The following KHDRBS2 variants were observed in gnomAD, a reference collection of about 807,000 sequenced individuals.
KHDRBS2 encodes KH domain-containing, RNA-binding, signal transduction-associated protein 2.
Under a neutral mutation model 44.3 loss-of-function variants are expected in KHDRBS2, and 26 were observed. That is an observed-to-expected ratio of 0.59 (90% CI 0.43 to 0.81). KHDRBS2 has a LOEUF of 0.81. Ranked by LOEUF, KHDRBS2 falls within the 40% of genes least tolerant of loss-of-function variation. The pLI is 0.00. For missense variants in KHDRBS2, 476 were observed against 433.1 expected, an observed-to-expected ratio of 1.10 and a Z score of -0.88; for synonymous variants, 194 against 151.1, an observed-to-expected ratio of 1.28 and a Z score of -2.08.
intron 6 of KHDRBS2, among the ~76,000 whole-genome samples, chr6:61,748,017 GTC>G (rs1366845947): frequency 2.0e-5 from 3 of 152,138 alleles, no homozygotes; most frequent in Admixed American, 6.5e-5. Flanking sequence ...TTGAGACAGA[GTC>G]TCACACTGTT....
chr6:61,772,711 A>G (rs1781161353), intron 6 of KHDRBS2, among the ~76,000 whole-genome samples: 1 of 152,098 alleles, frequency 6.6e-6, no homozygotes, highest in Non-Finnish European at 1.5e-5. Flanking sequence ...ACATATGTAT[A>G]CATGTGCCAC....
intron 6 of KHDRBS2, among the ~76,000 whole-genome samples, chr6:61,801,199 A>AT (rs951824388): frequency 1.7e-4 from 26 of 151,738 alleles, no homozygotes; most frequent in Non-Finnish European, 2.8e-4. Flanking sequence ...ATTTCCACTG[A>AT]TTTTTTTTTA....
the KHDRBS2 span, among the ~76,000 whole-genome samples, chr6:61,571,180 C>T: frequency 3.3e-5 from 5 of 151,916 alleles, no homozygotes; most frequent in Non-Finnish European, 5.9e-5. Context: ...AGAGACTCGC[C>T]TAATATATAA....
At chr6:62,067,523 T>C (rs1314952846) in intron 2 of KHDRBS2, among the ~76,000 whole-genome samples, 1 of 151,516 alleles carries the variant, frequency 6.6e-6, no homozygotes, top group East Asian at 2.0e-4. Context: ...ATGAACAGTA[T>C]AGAGCCCTCC....
At position 62,221,051 on chromosome 6, in the gene KHDRBS2, T is replaced by C. The variant is rs774652430; in HGVS notation, c.92-43739A>G. Among the ~76,000 whole-genome samples, 59 of 151,446 alleles carry C rather than the reference T, an allele frequency of 3.9e-4. 1 individual carries two copies. The highest frequency in any genetic ancestry group is 6.9e-4 in the Non-Finnish European group (47 of 67,794). On this transcript the variant is annotated intron_variant, in intron 1 of 8. Transcript: ENST00000281156. ...TGCACATTATTCACAATTCCCAAGA[T>C]ATGAAAGCAATACGTGTCCACTGAC...
intron 1 of KHDRBS2, among the ~76,000 whole-genome samples, chr6:62,254,649 C>T (rs1837078713): frequency 6.6e-6 from 1 of 151,940 alleles, no homozygotes; most frequent in South Asian, 2.1e-4. Context: ...AGAAAGGAAA[C>T]CCACACTGCT....
At chr6:62,199,036 A>G (rs1274083416) in intron 1 of KHDRBS2, among the ~76,000 whole-genome samples, 3 of 152,214 alleles carry the variant, frequency 2.0e-5, no homozygotes, top group African/African-American at 7.2e-5. Flanking sequence ...AAAATTCAAC[A>G]GCCCTTCATG....
chr6:62,011,624 T>C (rs755350393), intron 3 of KHDRBS2, among the ~76,000 whole-genome samples: 1 of 152,216 alleles, frequency 6.6e-6, no homozygotes, highest in African/African-American at 2.4e-5. Context: ...ATGACAGTGA[T>C]ACCATTAATA....
chr6:61,621,528 G>A, the KHDRBS2 span, among the ~76,000 whole-genome samples: 134 of 152,186 alleles, frequency 8.8e-4, 1 homozygote, highest in East Asian at 0.023. Flanking sequence ...TAAGAGCTCC[G>A]GAGACATTTA....
chr6:62,023,419 T>C (rs975592541), intron 3 of KHDRBS2, among the ~76,000 whole-genome samples: 1 of 151,654 alleles, frequency 6.6e-6, no homozygotes, highest in Non-Finnish European at 1.5e-5. Flanking sequence ...TAATTCATCA[T>C]ACAGACAATT....
At chr6:62,247,533 C>A (rs1307790877) in intron 1 of KHDRBS2, among the ~76,000 whole-genome samples, 3 of 152,068 alleles carry the variant, frequency 2.0e-5, no homozygotes, top group Middle Eastern at 3.4e-3. Flanking sequence ...AAATATTTCA[C>A]AAATCTCTTA....
chr6:61,765,825 C>A (rs1386548434), intron 6 of KHDRBS2, among the ~76,000 whole-genome samples: 3 of 152,184 alleles, frequency 2.0e-5, no homozygotes, highest in South Asian at 2.1e-4. Flanking sequence ...ATCATCTTTG[C>A]AATCCCACTG....
At chr6:61,784,102 T>C (rs1206174810) in intron 6 of KHDRBS2, among the ~76,000 whole-genome samples, 2 of 151,942 alleles carry the variant, frequency 1.3e-5, no homozygotes, top group Non-Finnish European at 2.9e-5. Flanking sequence ...GCTAGAAATA[T>C]TTTTTAAAAT....
At chr6:61,775,747 C>T (rs1053991016) in intron 6 of KHDRBS2, among the ~76,000 whole-genome samples, 9 of 152,162 alleles carry the variant, frequency 5.9e-5, no homozygotes, top group African/African-American at 1.9e-4. Flanking sequence ...AATGCCATCC[C>T]CATCAAGCTA....
chr6:61,559,784 T>C, the KHDRBS2 span, among the ~76,000 whole-genome samples: 2 of 152,228 alleles, frequency 1.3e-5, no homozygotes, highest in African/African-American at 4.8e-5. Context: ...TGAAAAGTTG[T>C]TGTAGTTATT....
At chr6:61,756,849 G>A (rs550011035) in intron 6 of KHDRBS2, among the ~76,000 whole-genome samples, 1 of 152,268 alleles carries the variant, frequency 6.6e-6, no homozygotes, top group African/African-American at 2.4e-5. Flanking sequence ...TTGCTATTTT[G>A]TAATTCCTCT....
At chr6:61,683,572 T>A (rs1173359360) in intron 8 of KHDRBS2, among the ~76,000 whole-genome samples, 6 of 151,860 alleles carry the variant, frequency 4.0e-5, no homozygotes, top group African/African-American at 1.4e-4. Flanking sequence ...TAAAGAAATT[T>A]AACATTTATT....
chr6:62,222,902 C>T (rs1831136802), intron 1 of KHDRBS2, among the ~76,000 whole-genome samples: 1 of 152,168 alleles, frequency 6.6e-6, no homozygotes, highest in Non-Finnish European at 1.5e-5. Flanking sequence ...GGTACAACCT[C>T]CCTCCTGGCT....
At chr6:62,156,167 C>A (rs1369146660) in intron 2 of KHDRBS2, among the ~76,000 whole-genome samples, 2 of 152,094 alleles carry the variant, frequency 1.3e-5, no homozygotes, top group Non-Finnish European at 2.9e-5. Flanking sequence ...AGCTCAGGTA[C>A]CGAATCACTG....
Sources: allele counts gnomAD v4.1 joint callset (sites outside exome capture counted in the v4.1 genomes callset), GRCh38; gene constraint gnomAD v4.1.1; transcripts MANE v1.5; gene names NCBI Gene and HGNC (gene_info 2026-07-23, HGNC 2026-07-21).